PSTPIP2: variants seen among roughly 807,000 people sequenced by gnomAD.
PSTPIP2 encodes proline-serine-threonine phosphatase-interacting protein 2.
A neutral mutation model predicts 63.3 loss-of-function variants in PSTPIP2; 33 were observed. The ratio of observed to expected loss-of-function variants is 0.52; its 90% confidence interval spans 0.40 to 0.70. The LOEUF (loss-of-function observed/expected upper bound fraction) is 0.70, where lower values mean the gene tolerates loss of function less well. PSTPIP2 is among the 30% of genes least tolerant of loss of function. The probability of loss-of-function intolerance (pLI) is 0.00; values close to 1 mark genes in which losing one functional copy is unlikely to be tolerated. For missense variants in PSTPIP2, 312 were observed against 400.7 expected, an observed-to-expected ratio of 0.78 and a Z score of 1.89; for synonymous variants, 125 against 132.7, an observed-to-expected ratio of 0.94 and a Z score of 0.40.
At chr18:46,045,924 A>G (rs1908368268) in intron 1 of PSTPIP2, among the ~76,000 whole-genome samples, 1 of 152,212 alleles carries the variant, frequency 6.6e-6, no homozygotes, top group African/African-American at 2.4e-5. Flanking sequence ...AACCTGGATG[A>G]CAGAGCAAGC....
intron 1 of PSTPIP2, among the ~76,000 whole-genome samples, chr18:46,044,824 C>A (rs895533410): frequency 5.3e-4 from 81 of 152,254 alleles, no homozygotes; most frequent in African/African-American, 1.9e-3. Flanking sequence ...AAAAAACAAA[C>A]AACCCCATCA....
chr18:46,052,634 A>G (rs1203947113), intron 1 of PSTPIP2, among the ~76,000 whole-genome samples: 1 of 152,200 alleles, frequency 6.6e-6, no homozygotes, highest in Non-Finnish European at 1.5e-5. Flanking sequence ...AGTTTCTCCC[A>G]TCTTATCCAT....
chr18:45,989,462 T>C (rs1240597963), intron 13 of PSTPIP2, among the ~76,000 whole-genome samples: 1 of 152,234 alleles, frequency 6.6e-6, no homozygotes, highest in African/African-American at 2.4e-5. Flanking sequence ...TCCCCAGCCA[T>C]GTGGAACTGT....
chr18:45,996,818 T>G (rs1264904153), intron 9 of PSTPIP2, among the ~76,000 whole-genome samples: 1 of 152,072 alleles, frequency 6.6e-6, no homozygotes, highest in Admixed American at 6.6e-5. Flanking sequence ...GGTGCACGCC[T>G]GTAGTCCCAT....
chr18:46,057,476 C>A (rs1294018264), intron 1 of PSTPIP2, among the ~76,000 whole-genome samples: 2 of 151,498 alleles, frequency 1.3e-5, no homozygotes, highest in South Asian at 2.1e-4. Context: ...TACAGGCGAG[C>A]GCCACCACGC....
intron 1 of PSTPIP2, among the ~76,000 whole-genome samples, chr18:46,050,414 T>C (rs1027226597): frequency 6.6e-6 from 1 of 151,846 alleles, no homozygotes; most frequent in Non-Finnish European, 1.5e-5. Context: ...TACAAAAAAA[T>C]TTTAAAAATT....
intron 2 of PSTPIP2, among the ~76,000 whole-genome samples, chr18:46,038,212 A>C (rs1472864666): frequency 6.6e-6 from 1 of 152,238 alleles, no homozygotes; most frequent in Non-Finnish European, 1.5e-5. Context: ...GCATTTTTAA[A>C]TTAAATACTA....
In PSTPIP2 at chr18:46,044,212, A is replaced by C. The variant is rs1041113853; in HGVS notation, c.34-4165T>G. Among the ~76,000 whole-genome samples, 7 of 152,362 alleles carry C rather than the reference A, an allele frequency of 4.6e-5. No individual in the cohort carries two copies. The South Asian group carries it at 6.2e-4, about 14-fold the overall frequency. ...AGTCTGCATCACCAAGTCAATCCTA[A>C]GCCAAAAGAACAAAGCTGGAGGCAT... On this transcript the variant is annotated intron_variant, in intron 1 of 14. Transcript: ENST00000409746.
In PSTPIP2 at chr18:46,020,971, G is replaced by A. The variant is rs1020889067; in HGVS notation, c.212+3638C>T. On this transcript the variant is annotated intron_variant, in intron 3 of 14. Coordinates refer to ENST00000409746, the MANE Select transcript of PSTPIP2 (RefSeq NM_024430.4). ...AATATCTTTTGCAGGAAGTAGTAGAGAGAATACGGCCATTTTCCATCACAT... is the reference window on the plus strand; with the variant it reads ...AATATCTTTTGCAGGAAGTAGTAGAAAGAATACGGCCATTTTCCATCACAT... Among the ~76,000 whole-genome samples, 3 of 152,344 alleles carry A rather than the reference G, an allele frequency of 2.0e-5. No homozygotes were observed. In the East Asian group the frequency reaches 5.8e-4, roughly 29 times the overall value.
At chr18:46,039,883 G>T (rs1178137903) in intron 2 of PSTPIP2, 64 bp downstream of exon 2, 4 of 1,372,352 alleles carry the variant, frequency 2.9e-6, no homozygotes, top group South Asian at 1.2e-5. Flanking sequence ...AAAGGAAATT[G>T]TTCCTTGTCT....
At chr18:46,007,235 T>A (rs2051737882) in intron 5 of PSTPIP2, among the ~76,000 whole-genome samples, 1 of 152,238 alleles carries the variant, frequency 6.6e-6, no homozygotes, top group African/African-American at 2.4e-5. Flanking sequence ...CCGGAAGGAA[T>A]ATTGGGAATG....
chr18:46,053,966 A>G (rs969299150), intron 1 of PSTPIP2, among the ~76,000 whole-genome samples: 3 of 152,202 alleles, frequency 2.0e-5, no homozygotes, highest in Admixed American at 6.5e-5. Context: ...TCATTATTTG[A>G]ACATCACAGA....
intron 11 of PSTPIP2, 40 bp from the exon 12 acceptor site, chr18:45,992,023 C>T (rs766149108): frequency 3.8e-6 from 6 of 1,593,650 alleles, no homozygotes; most frequent in South Asian, 2.2e-5. Context: ...AAGAGGCAGG[C>T]GTCTTTCATC....
chr18:46,062,469 C>A (rs1333462856), intron 1 of PSTPIP2, among the ~76,000 whole-genome samples: 1 of 133,330 alleles, frequency 7.5e-6, no homozygotes, highest in Non-Finnish European at 1.6e-5. Context: ...GGTGAAACCC[C>A]ATCTCTACTA....
intron 1 of PSTPIP2, among the ~76,000 whole-genome samples, chr18:46,058,466 C>T (rs1273988933): frequency 6.6e-6 from 1 of 151,946 alleles, no homozygotes; most frequent in Non-Finnish European, 1.5e-5. Flanking sequence ...AAGCAACTCT[C>T]CTGCCTCAGG....
At chr18:46,029,420 G>A in intron 2 of PSTPIP2, 3 of 1,463,616 alleles carry the variant, frequency 2.0e-6, no homozygotes, top group Middle Eastern at 1.8e-4. Flanking sequence ...GGATGGAGAA[G>A]TTTATGTTTG....
At position 46,058,994 on chromosome 18, in the gene PSTPIP2, C is replaced by T. The variant is rs557711731; in HGVS notation, c.33+13162G>A. Among the ~76,000 whole-genome samples the T allele has an allele frequency of 2.0e-5, 3 of 151,550 alleles. No homozygotes were observed. In the South Asian group the frequency reaches 6.3e-4, roughly 32 times the overall value. ...AAGTATACTTGCTCTTCTTTTAATA[C>T]TTTAGGGGGAAATCCTCTTAATTCT... On this transcript the variant is annotated intron_variant, in intron 1 of 14. Transcript: ENST00000409746.
intron 1 of PSTPIP2, among the ~76,000 whole-genome samples, chr18:46,069,336 T>A (rs961397114): frequency 6.6e-6 from 1 of 152,140 alleles, no homozygotes; most frequent in Non-Finnish European, 1.5e-5. Context: ...TCTGACAAGA[T>A]ACAATCAAAG....
At chr18:46,068,966 TTCCCTA>T in intron 1 of PSTPIP2, among the ~76,000 whole-genome samples, 1 of 152,156 alleles carries the variant, frequency 6.6e-6, no homozygotes, top group East Asian at 1.9e-4. Context: ...CCCCAAGACT[TTCCCTA>T]GTCAATCCCA....
Sources: allele counts gnomAD v4.1 joint callset (sites outside exome capture counted in the v4.1 genomes callset), GRCh38; gene constraint gnomAD v4.1.1; transcripts MANE v1.5; gene names NCBI Gene and HGNC (gene_info 2026-07-23, HGNC 2026-07-21).